Variants in OPN3 observed in about 807,000 individuals in gnomAD.
The protein encoded by OPN3 is opsin-3.
In OPN3, 29 loss-of-function variants were observed where a neutral mutation model predicts 33.8. The observed-to-expected ratio is 0.86, with a 90% CI of 0.64 to 1.17. The LOEUF (loss-of-function observed/expected upper bound fraction) is 1.17, where lower values mean the gene tolerates loss of function less well. OPN3 is among the 50% of genes most tolerant of loss of function. OPN3 has a pLI of 0.00. For synonymous variants in OPN3, 216 were observed against 216.1 expected (o/e 1.00, Z 0.00); for missense variants, 437 against 514.1 (o/e 0.85, Z 1.45).
At position 241,598,410 on chromosome 1, in the gene OPN3, C is replaced by G. The variant is rs74948558; in HGVS notation, c.694-413G>C. Among the ~76,000 whole-genome samples the G allele has an allele frequency of 3.3e-4, 50 of 152,328 alleles. No homozygotes were observed. The East Asian group carries it at 8.1e-3, about 25-fold the overall frequency. On this transcript the variant is annotated intron_variant, in intron 2 of 3. Coordinates refer to ENST00000366554, the MANE Select transcript of OPN3 (RefSeq NM_014322.3). ...TTAGTCCTCCAGTTCTCAAATCAGA[C>G]TGCACACCCATGTCATGTCAGGTGT... is the stretch of plus-strand genomic sequence containing the variant.
chr1:241,599,790 A>G (rs928314515), intron 2 of OPN3, among the ~76,000 whole-genome samples: 1 of 152,182 alleles, frequency 6.6e-6, no homozygotes, highest in Admixed American at 6.5e-5. Context: ...GTAAACAAGA[A>G]AGGAGGTAAA....
At chr1:241,612,748 T>C (rs1360675974) in intron 1 of OPN3, among the ~76,000 whole-genome samples, 1 of 152,192 alleles carries the variant, frequency 6.6e-6, no homozygotes, top group Non-Finnish European at 1.5e-5. Context: ...CCAGTGAAAC[T>C]ACTGACATCA....
At chr1:241,594,870 T>C in intron 3 of OPN3, 179 bp from the exon 4 acceptor site, 2 of 631,958 alleles carry the variant, frequency 3.2e-6, no homozygotes, top group Non-Finnish European at 2.7e-6. Context: ...TTTATGTCTT[T>C]TATTCATTCT....
At chr1:241,607,644 GAAGA>G (rs1207582398) in intron 1 of OPN3, among the ~76,000 whole-genome samples, 3 of 143,936 alleles carry the variant, frequency 2.1e-5, no homozygotes, top group Non-Finnish European at 4.6e-5. Flanking sequence ...AAGGAAGAAA[GAAGA>G]AAGAAGAAAG....
At chr1:241,624,618 T>C (rs1664362134) in intron 1 of OPN3, among the ~76,000 whole-genome samples, 1 of 152,118 alleles carries the variant, frequency 6.6e-6, no homozygotes, top group African/African-American at 2.4e-5. Flanking sequence ...TTTCAGAGAG[T>C]TACTGAGCCT....
intron 1 of OPN3, among the ~76,000 whole-genome samples, chr1:241,625,112 T>C (rs1388324908): frequency 6.6e-6 from 1 of 152,214 alleles, no homozygotes; most frequent in Non-Finnish European, 1.5e-5. Flanking sequence ...AACCCTATGC[T>C]TCACTTGGCA....
chr1:241,613,890 C>T (rs987078933), intron 1 of OPN3, among the ~76,000 whole-genome samples: 3 of 152,088 alleles, frequency 2.0e-5, no homozygotes, highest in Non-Finnish European at 2.9e-5. Context: ...ATTTCAGGTC[C>T]GGTGTGGTGG....
intron 1 of OPN3, among the ~76,000 whole-genome samples, chr1:241,616,951 T>G (rs1664148493): frequency 6.6e-6 from 1 of 152,284 alleles, no homozygotes; most frequent in Admixed American, 6.5e-5. Flanking sequence ...TTCATTTTTA[T>G]GAGTGTTATA....
Position 241,640,158 on chromosome 1 carries a change from C to G in OPN3, c.97G>C (p.Ala33Pro). 1.3e-6 allele frequency: 2 copies of G among 1,513,074 alleles called. No individual in the cohort carries two copies. The highest frequency in any genetic ancestry group is 1.8e-6 in the Non-Finnish European group (2 of 1,133,260). The allele number at this position is 1,513,074 out of a possible 1,614,324, so 93.7% of individuals were successfully genotyped here. Residue 33 changes from alanine to proline, a missense_variant, in exon 1 of 4, where the codon GCG (alanine) becomes CCG (proline). Coordinates refer to ENST00000366554, the MANE Select transcript of OPN3 (RefSeq NM_014322.3). ...TAGGTGCCGGGGCTGAAGAGGGGCG[C>G]GGGGCTCAGTGTCCCCGCCGGCGCC... ...GPAPAGTLSP[A>P]PLFSPGTYER...
chr1:241,603,108 AATTATTAAG>A (rs1324574384), intron 2 of OPN3, among the ~76,000 whole-genome samples: 1 of 152,032 alleles, frequency 6.6e-6, no homozygotes, highest in African/African-American at 2.4e-5. Flanking sequence ...GGAAAGAGAA[AATTATTAAG>A]AAGTGTCTCT....
chr1:241,593,989 A>G lies in OPN3; in HGVS notation c.*439T>C. The G allele has an allele frequency of 6.2e-6, 1 of 161,938 alleles. No homozygotes were observed. Among genetic ancestry groups the G allele is most frequent in the Non-Finnish European group, 1.4e-5 (1 of 73,920 alleles). The allele number at this position is 161,938 out of a possible 1,614,324, so 10.0% of individuals were successfully genotyped here. On this transcript the variant is annotated 3_prime_UTR_variant, in exon 4 of 4. Coordinates refer to ENST00000366554, the MANE Select transcript of OPN3 (RefSeq NM_014322.3). ...TCTCCTTGATAACTTGATCAGATAT[A>G]GGACATGACACTGAATAGAGTCCAA...
chr1:241,630,815 T>C (rs1467057815), intron 1 of OPN3: 1 of 152,128 alleles, frequency 6.6e-6, no homozygotes, highest in East Asian at 1.9e-4. Flanking sequence ...TTATCTGTAA[T>C]TAATACTTTG....
chr1:241,605,420 G>A (rs901332465), intron 1 of OPN3, among the ~76,000 whole-genome samples: 4 of 152,180 alleles, frequency 2.6e-5, no homozygotes, highest in African/African-American at 9.7e-5. Flanking sequence ...AGGGGTCAGG[G>A]GGTCTTCTGG....
chr1:241,615,526 T>A (rs1664102733), intron 1 of OPN3, among the ~76,000 whole-genome samples: 1 of 152,108 alleles, frequency 6.6e-6, no homozygotes, highest in Non-Finnish European at 1.5e-5. Flanking sequence ...ACAGAAAGCC[T>A]TTCTTAGGAA....
rs138406816 is a variant in OPN3 at position 241,594,687 on chromosome 1, C to T, written c.950G>A (p.Arg317Gln). 1.2e-3 allele frequency: 1,885 copies of T among 1,611,462 alleles called. 2 individuals carry two copies. The highest frequency in any genetic ancestry group is 1.4e-3 in the Non-Finnish European group (1,700 of 1,178,860). ...VIYVFMIRKF[R>Q]RSLLQLLCLR... ...GCACAGAAGCTGCAAAAGGGATCTT[C>T]GAAACTGGGCAGAGAAAAAATAAAG... is the stretch of plus-strand genomic sequence containing the variant. The change falls in exon 4 of 4, where the codon CGA becomes CAA. Residue 317 changes from arginine (R) to glutamine (Q), a missense_variant. Physicochemically the swap from Arg to Gln is conservative, Grantham distance 43 (BLOSUM62 1). Coordinates refer to ENST00000366554, the MANE Select transcript of OPN3 (RefSeq NM_014322.3).
In OPN3 at chr1:241,597,792, G is replaced by T; in HGVS notation, c.899C>A (p.Ser300Ter). The change falls in exon 3 of 4, where the codon TCG becomes TAG. Residue 300 changes from serine to a stop codon, truncating the protein, a stop_gained. Coordinates refer to ENST00000366554, the MANE Select transcript of OPN3 (RefSeq NM_014322.3). LOFTEE classifies it high-confidence loss of function. ...ISIVSYLFAK[S>*]NTVYNPVIYV... ...AATCACTGGATTGTATACAGTGTTCGATTTAGCAAAGAGGTACGAAACAAT... is the reference window on the plus strand; with the variant it reads ...AATCACTGGATTGTATACAGTGTTCTATTTAGCAAAGAGGTACGAAACAAT... 1.9e-6 allele frequency: 3 copies of T among 1,613,668 alleles called. No individual in the cohort carries two copies. The highest frequency in any genetic ancestry group is 2.5e-6 in the Non-Finnish European group (3 of 1,179,892).
At chr1:241,633,946 G>A (rs1258965735) in intron 1 of OPN3, 13 of 1,613,892 alleles carry the variant, frequency 8.1e-6, no homozygotes, top group East Asian at 4.5e-5. Flanking sequence ...GAGGTGGAGG[G>A]CAGAATTCTT....
chr1:241,621,801 G>T (rs765464383), intron 1 of OPN3, among the ~76,000 whole-genome samples: 26 of 152,144 alleles, frequency 1.7e-4, no homozygotes, highest in Non-Finnish European at 3.5e-4. Context: ...GTGAGCCCAG[G>T]CATGGCCAAC....
chr1:241,617,886 G>C (rs777971528), intron 1 of OPN3, among the ~76,000 whole-genome samples: 2 of 152,160 alleles, frequency 1.3e-5, no homozygotes, highest in Non-Finnish European at 2.9e-5. Flanking sequence ...AGGCGTTGGA[G>C]TATAAAGCAA....
Sources: gnomAD v4.1 joint callset for allele counts (sites outside exome capture counted in the v4.1 genomes callset) on GRCh38, gnomAD v4.1.1 for gene constraint, MANE v1.5 for transcripts, NCBI Gene and HGNC (gene_info 2026-07-23, HGNC 2026-07-21) for gene names.